Variants in NXPE2 observed in about 807,000 individuals in gnomAD.
NXPE2 encodes the protein NXPE family member 2.
Under a neutral mutation model 34.4 loss-of-function variants are expected in NXPE2, and 34 were observed. The ratio of observed to expected loss-of-function variants is 0.99; its 90% CI spans 0.75 to 1.31. The LOEUF (loss-of-function observed/expected upper bound fraction) is 1.31, where lower values mean the gene tolerates loss of function less well. Ranked by LOEUF, NXPE2 falls within the 40% of genes most tolerant of loss-of-function variation. The pLI is 0.00. For missense variants in NXPE2, 649 were observed against 672.5 expected (o/e 0.97, Z 0.39); for synonymous variants, 235 against 231.3 (o/e 1.02, Z -0.15).
the NXPE2 span, chr11:114,551,216 G>A: frequency 6.7e-7 from 1 of 1,498,910 alleles, no homozygotes; most frequent in Admixed American, 2.0e-5. Flanking sequence ...AATGTCCTAG[G>A]AGAGATGACA....
chr11:114,678,728 G>A, intron 1 of NXPE2, 127 bp downstream of exon 1: 1 of 674,238 alleles, frequency 1.5e-6, no homozygotes, highest in Non-Finnish European at 2.5e-6. Context: ...CGTTTTATTT[G>A]GGCATAAAAA....
At chr11:114,717,870 G>A in the NXPE2 span, among the ~76,000 whole-genome samples, 2 of 152,164 alleles carry the variant, frequency 1.3e-5, no homozygotes, top group Non-Finnish European at 1.5e-5. Context: ...TGGGCCCTAG[G>A]AAAAGTTTGA....
chr11:114,638,711 G>T, the NXPE2 span, among the ~76,000 whole-genome samples: 9 of 152,142 alleles, frequency 5.9e-5, no homozygotes, highest in East Asian at 1.5e-3. Flanking sequence ...AGGTCTGTTG[G>T]TGTTTGCTAG....
At chr11:114,570,105 G>A in the NXPE2 span, among the ~76,000 whole-genome samples, 4 of 152,104 alleles carry the variant, frequency 2.6e-5, no homozygotes, top group African/African-American at 7.2e-5. Context: ...CATGGTTCCC[G>A]CCTTAAGATG....
chr11:114,636,633 A>T, the NXPE2 span, among the ~76,000 whole-genome samples: 1 of 151,982 alleles, frequency 6.6e-6, no homozygotes, highest in African/African-American at 2.4e-5. Context: ...CACTGCTTTG[A>T]ATGTGTCCCA....
chr11:114,757,174 A>C, the NXPE2 span, among the ~76,000 whole-genome samples: 1 of 152,154 alleles, frequency 6.6e-6, no homozygotes, highest in Admixed American at 6.5e-5. Context: ...GTTACAAAAA[A>C]TGTATCCTCA....
chr11:114,499,666 T>G, the NXPE2 span, among the ~76,000 whole-genome samples: 1 of 152,016 alleles, frequency 6.6e-6, no homozygotes, highest in Non-Finnish European at 1.5e-5. Context: ...ATGTTAATTG[T>G]GCAGTTTGGT....
chr11:114,527,056 T>C, the NXPE2 span: 1 of 152,228 alleles, frequency 6.6e-6, no homozygotes, highest in African/African-American at 2.4e-5. Context: ...CATTGCAAGC[T>C]AACTGAGCAT....
chr11:114,799,391 A>C, the NXPE2 span, among the ~76,000 whole-genome samples: 1 of 151,808 alleles, frequency 6.6e-6, no homozygotes, highest in Non-Finnish European at 1.5e-5. Context: ...TTTGGAGAAG[A>C]GTTAAGGAAA....
the NXPE2 span, among the ~76,000 whole-genome samples, chr11:114,751,905 T>G: frequency 2.6e-5 from 4 of 152,030 alleles, no homozygotes; most frequent in Non-Finnish European, 5.9e-5. Flanking sequence ...AGAAAGAGAT[T>G]TGAAGATGCC....
the NXPE2 span, among the ~76,000 whole-genome samples, chr11:114,627,901 C>A: frequency 6.6e-6 from 1 of 151,622 alleles, no homozygotes; most frequent in African/African-American, 2.4e-5. Context: ...TTTAAACCAA[C>A]AAAGATCAAA....
At chr11:114,615,684 C>T in the NXPE2 span, among the ~76,000 whole-genome samples, 1 of 151,456 alleles carries the variant, frequency 6.6e-6, no homozygotes, top group Admixed American at 6.6e-5. Context: ...TAAGTGTTGC[C>T]TCTAGGGTAA....
intron 3 of NXPE2, among the ~76,000 whole-genome samples, chr11:114,701,715 A>G (rs1006619893): frequency 1.3e-5 from 2 of 152,218 alleles, no homozygotes; most frequent in African/African-American, 4.8e-5. Context: ...TCACGAATAC[A>G]GGGACTAAGC....
the NXPE2 span, among the ~76,000 whole-genome samples, chr11:114,572,316 A>T: frequency 6.6e-6 from 1 of 152,126 alleles, no homozygotes; most frequent in Non-Finnish European, 1.5e-5. Flanking sequence ...AGATTCTTTA[A>T]CTCCTGCAAA....
the NXPE2 span, among the ~76,000 whole-genome samples, chr11:114,499,555 T>C: frequency 6.6e-6 from 1 of 152,200 alleles, no homozygotes; most frequent in East Asian, 1.9e-4. Context: ...TTTTAAGCTT[T>C]TGTAACAAGT....
chr11:114,595,644 T>C, the NXPE2 span: 3 of 152,288 alleles, frequency 2.0e-5, no homozygotes, highest in Non-Finnish European at 4.4e-5. Flanking sequence ...GCGAGCTAGG[T>C]GTTGAGAATT....
At chr11:114,677,137 G>T (rs573957435), upstream of NXPE2, among the ~76,000 whole-genome samples, 41 of 152,176 alleles carry the variant, frequency 2.7e-4, no homozygotes, top group African/African-American at 9.9e-4. Flanking sequence ...GCAAATAGGG[G>T]ATGTTGGTCA....
chr11:114,513,368 A>G, the NXPE2 span: 1 of 402,578 alleles, frequency 2.5e-6, no homozygotes, highest in Admixed American at 2.9e-5. Context: ...TGCTGCTGAA[A>G]CTTCTGGACA....
the NXPE2 span, among the ~76,000 whole-genome samples, chr11:114,777,533 G>T: frequency 2.6e-5 from 4 of 152,138 alleles, no homozygotes; most frequent in African/African-American, 9.7e-5. Flanking sequence ...GTCTTTCCTG[G>T]GAGTGTTGAA....
Sources: gnomAD v4.1 joint callset for allele counts (sites outside exome capture counted in the v4.1 genomes callset) on GRCh38, gnomAD v4.1.1 for gene constraint, MANE v1.5 for transcripts, NCBI Gene and HGNC (gene_info 2026-07-23, HGNC 2026-07-21) for gene names.